The following NIPBL variants were observed in gnomAD, a reference collection of about 807,000 sequenced individuals.
NIPBL encodes the protein nipped-B-like protein.
Under a neutral mutation model 321.8 loss-of-function variants are expected in NIPBL, and 19 were observed. The ratio of observed to expected loss-of-function variants is 0.06; its 90% confidence interval spans 0.04 to 0.09. NIPBL has a LOEUF of 0.09. NIPBL is among the 10% of genes least tolerant of loss of function. The probability of loss-of-function intolerance (pLI) is 1.00; values close to 1 mark genes in which losing one functional copy is unlikely to be tolerated. For synonymous variants in NIPBL, 1,106 were observed against 1,114.1 expected (o/e 0.99, Z 0.14); for missense variants, 2,210 against 3,327.0 (o/e 0.66, Z 8.26).
rs767311814 is a variant in NIPBL at position 37,008,058 on chromosome 5, A to G, written c.4290A>G (p.Leu1430=). ...TTTTTGTGGAAAATGTCAGTGAACT[A>G]CAGTTGTGTGCCATTAAGTTAGTCA... ...TPFFVENVSE[L]QLCAIKLVTA... Residue 1430 remains leucine (L), a synonymous_variant, in exon 19 of 47, where the codon CTA becomes CTG. Coordinates refer to ENST00000282516, the MANE Select transcript of NIPBL (RefSeq NM_133433.4). 22 of 1,610,878 alleles carry G rather than the reference A, an allele frequency of 1.4e-5. No individual in the cohort carries two copies. The East Asian group carries it at 4.2e-4, about 31-fold the overall frequency.
rs1355196639 is a variant in NIPBL at position 36,976,375 on chromosome 5, C to T, written c.1468C>T (p.Arg490Cys). 1.2e-6 allele frequency: 2 copies of T among 1,609,276 alleles called. No homozygotes were observed. The highest frequency in any genetic ancestry group is 1.7e-6 in the Non-Finnish European group (2 of 1,179,726). The change falls in exon 9 of 47, where the codon CGC becomes TGC. Residue 490 changes from arginine to cysteine, a missense_variant. Physicochemically the swap from Arg to Cys is radical, Grantham distance 180 (BLOSUM62 -3). Coordinates refer to ENST00000282516, the MANE Select transcript of NIPBL (RefSeq NM_133433.4). ...GAGAGAATCAGCTATTGAAAGGGAG[C>T]GCTTCTCAAAAGAAGTTCAAGATAA... ...IERESAIERE[R>C]FSKEVQDKDK...
chr5:36,903,671 T>C lies in NIPBL; in HGVS notation c.-80+26493T>C, dbSNP rs10042505. On this transcript the variant is annotated intron_variant, in intron 1 of 46. Coordinates refer to ENST00000282516, the MANE Select transcript of NIPBL (RefSeq NM_133433.4). ...TAAAAATAGACTTGTAGATAAATGA[T>C]GGAGAACTTTATTTAAACTTTGTCT... is the stretch of plus-strand genomic sequence containing the variant. Among the ~76,000 whole-genome samples the C allele has an allele frequency of 6.0e-3, 913 of 152,316 alleles. 11 individuals are homozygous for C. Among genetic ancestry groups the C allele is most frequent in the African/African-American group, 0.021 (869 of 41,578 alleles).
intron 42 of NIPBL, among the ~76,000 whole-genome samples, chr5:37,053,164 TCTTA>T (rs1753750681): frequency 1.3e-5 from 2 of 152,168 alleles, no homozygotes; most frequent in Admixed American, 6.6e-5. Flanking sequence ...GGGGTGAACA[TCTTA>T]CTTACACAAA....
At chr5:36,995,584 A>AT (rs1746051657) in intron 10 of NIPBL, 38 bp from the exon 11 acceptor site, 2 of 1,498,486 alleles carry the variant, frequency 1.3e-6, no homozygotes, top group Non-Finnish European at 1.8e-6. Flanking sequence ...TTATCTTCAG[A>AT]TTTACATTTT....
Position 36,962,131 on chromosome 5 carries a change from T to C in NIPBL, c.467T>C (p.Val156Ala), listed in dbSNP as rs939532340. The C allele has an allele frequency of 6.2e-7, 1 of 1,613,988 alleles. No individual in the cohort carries two copies. The highest frequency in any genetic ancestry group is 1.3e-5 in the African/African-American group (1 of 74,904). ...TGGGTTTTGGGTTTTAGCCGGTTTG[T>C]GCCACCACAGACAAGCTCTGGGAAC... The part of the protein sequence containing the change: ...TISHSPSSRF[V>A]PPQTSSGNRF... Residue 156 changes from valine (V) to alanine (A), a missense_variant, in exon 6 of 47, where the codon GTG becomes GCG. By Grantham distance (64) the Val-to-Ala change is moderately conservative. Coordinates refer to ENST00000282516, the MANE Select transcript of NIPBL (RefSeq NM_133433.4).
Position 36,911,016 on chromosome 5 carries a change from A to C in NIPBL, c.-80+33838A>C, listed in dbSNP as rs191597431. Among the ~76,000 whole-genome samples, 13 of 152,298 alleles carry C rather than the reference A, an allele frequency of 8.5e-5. No individual in the cohort carries two copies. The East Asian group carries it at 2.5e-3, about 29-fold the overall frequency. On this transcript the variant is annotated intron_variant, in intron 1 of 46. Coordinates refer to ENST00000282516, the MANE Select transcript of NIPBL (RefSeq NM_133433.4). ...TTATCTTCCCTTTTAGAAATCCCTCAGTTGAATTAAGAGGAAAAAAGATCA... is the reference window on the plus strand; with the variant it reads ...TTATCTTCCCTTTTAGAAATCCCTCCGTTGAATTAAGAGGAAAAAAGATCA...
intron 24 of NIPBL, among the ~76,000 whole-genome samples, chr5:37,017,599 G>A (rs934885815): frequency 1.4e-5 from 2 of 147,700 alleles, no homozygotes; most frequent in African/African-American, 5.0e-5. Context: ...GGGAAAAAGT[G>A]TTTTATTGCT....
At chr5:37,059,663 CAT>C (rs888537280) in intron 44 of NIPBL, among the ~76,000 whole-genome samples, 17 of 152,000 alleles carry the variant, frequency 1.1e-4, no homozygotes, top group African/African-American at 3.6e-4. Flanking sequence ...GGGAAAAAAA[CAT>C]ATTCCTATAC....
intron 1 of NIPBL, among the ~76,000 whole-genome samples, chr5:36,890,394 C>T (rs1439186590): frequency 6.6e-6 from 1 of 152,092 alleles, no homozygotes; most frequent in Non-Finnish European, 1.5e-5. Context: ...CTGCTATAAT[C>T]TTTATTTTCA....
intron 44 of NIPBL, among the ~76,000 whole-genome samples, 155 bp downstream of exon 44, chr5:37,059,320 A>T (rs1377966271): frequency 6.6e-6 from 1 of 152,186 alleles, no homozygotes; most frequent in Non-Finnish European, 1.5e-5. Flanking sequence ...CAGCCTGGCC[A>T]ACATGGTGAA....
intron 1 of NIPBL, among the ~76,000 whole-genome samples, chr5:36,901,178 A>G (rs918447180): frequency 6.6e-6 from 1 of 152,174 alleles, no homozygotes; most frequent in African/African-American, 2.4e-5. Context: ...TCCCACTTAC[A>G]AGAGATAACA....
chr5:36,942,057 A>G (rs561144693), intron 1 of NIPBL, among the ~76,000 whole-genome samples: 1 of 152,244 alleles, frequency 6.6e-6, no homozygotes, highest in East Asian at 1.9e-4. Context: ...TTTTCTGTAA[A>G]TCGAACTATT....
chr5:37,022,464 T>A, intron 29 of NIPBL, 74 bp downstream of exon 29: 1 of 1,329,624 alleles, frequency 7.5e-7, no homozygotes, highest in Non-Finnish European at 1.0e-6. Flanking sequence ...TTTTAAAGTG[T>A]TAAGTTAGAA....
chr5:37,048,448 G>T, intron 38 of NIPBL, 54 bp from the exon 39 acceptor site: 1,283 of 1,000,980 alleles, frequency 1.3e-3, no homozygotes, highest in East Asian at 3.4e-3. Flanking sequence ...TTTATTAAAT[G>T]TTTTATTTAA....
chr5:36,970,411 C>CTATATATATATATA (rs34663125), intron 6 of NIPBL, among the ~76,000 whole-genome samples: 6 of 143,586 alleles, frequency 4.2e-5, no homozygotes, highest in Non-Finnish European at 9.2e-5. Context: ...GAATTTAAAA[C>CTATATATATATATA]TATATATATA....
chr5:36,955,225 G>T (rs1740808105), intron 2 of NIPBL, among the ~76,000 whole-genome samples: 1 of 152,152 alleles, frequency 6.6e-6, no homozygotes, highest in African/African-American at 2.4e-5. Flanking sequence ...TTTAAGAAAT[G>T]AAAAGCAAGG....
At chr5:37,005,342 A>G (rs1747307062) in intron 16 of NIPBL, among the ~76,000 whole-genome samples, 1 of 152,212 alleles carries the variant, frequency 6.6e-6, no homozygotes, top group Non-Finnish European at 1.5e-5. Flanking sequence ...TTAGTCTACA[A>G]GTTACTTAAA....
chr5:36,926,107 C>T (rs549319864), intron 1 of NIPBL, among the ~76,000 whole-genome samples: 1 of 152,292 alleles, frequency 6.6e-6, no homozygotes, highest in African/African-American at 2.4e-5. Flanking sequence ...CTTTGGCTCA[C>T]TCTGTGAATT....
chr5:36,903,777 T>C (rs1298743769), intron 1 of NIPBL, among the ~76,000 whole-genome samples: 1 of 152,200 alleles, frequency 6.6e-6, no homozygotes, highest in Non-Finnish European at 1.5e-5. Context: ...CTGCATTCTT[T>C]AAGAAATATT....
Sources: gnomAD v4.1 joint callset for allele counts (sites outside exome capture counted in the v4.1 genomes callset) on GRCh38, gnomAD v4.1.1 for gene constraint, MANE v1.5 for transcripts, NCBI Gene and HGNC (gene_info 2026-07-23, HGNC 2026-07-21) for gene names.